SMG1: variants seen among roughly 807,000 people sequenced by gnomAD.
SMG1 encodes serine/threonine-protein kinase SMG1.
Under a neutral mutation model 419.9 loss-of-function variants are expected in SMG1, and 22 were observed. That is an observed-to-expected ratio of 0.05 (90% CI 0.04 to 0.07). The LOEUF is 0.07. Among genes scored for constraint, SMG1 ranks in the 10% least tolerant of loss-of-function variants. SMG1 has a pLI of 1.00. For synonymous variants in SMG1, 1,538 were observed against 1,553.5 expected (o/e 0.99, Z 0.23); for missense variants, 3,185 against 4,342.0 (o/e 0.73, Z 7.49).
chr16:18,919,655 T>TAC (rs1253293502), intron 1 of SMG1, among the ~76,000 whole-genome samples: 815 of 79,954 alleles, frequency 0.01, 10 homozygotes, highest in African/African-American at 0.031. Context: ...TGTGTGTATA[T>TAC]ATACACACAC....
intron 1 of SMG1, among the ~76,000 whole-genome samples, chr16:18,906,040 A>G (rs906493985): frequency 6.6e-6 from 1 of 152,096 alleles, no homozygotes; most frequent in African/African-American, 2.4e-5. Flanking sequence ...GATAAACTCA[A>G]TGATCCATCA....
chr16:18,837,542 CA>C, intron 45 of SMG1, 99 bp from the exon 46 acceptor site: 1 of 1,052,434 alleles, frequency 9.5e-7, no homozygotes, highest in South Asian at 1.6e-5. Flanking sequence ...TAAATCTCTA[CA>C]AAACCCGAAA....
At chr16:18,872,814 C>A (rs961579234) in intron 13 of SMG1, among the ~76,000 whole-genome samples, 190 bp from the exon 14 acceptor site, 1 of 152,104 alleles carries the variant, frequency 6.6e-6, no homozygotes. Context: ...GTGCAATATA[C>A]CATCTCTATG....
At chr16:18,837,221 C>T (rs755861904) in intron 46 of SMG1, 32 bp downstream of exon 46, 12 of 1,520,564 alleles carry the variant, frequency 7.9e-6, no homozygotes, top group African/African-American at 1.4e-5. Context: ...ATTAATGGCA[C>T]ATATTTAGAA....
Position 18,841,250 on chromosome 16 carries a change from A to C in SMG1, c.6696+315T>G, listed in dbSNP as rs2641828. Among the ~76,000 whole-genome samples, 959 of 152,084 alleles carry C rather than the reference A, an allele frequency of 6.3e-3. 16 individuals carry two copies. The highest frequency in any genetic ancestry group is 0.022 in the African/African-American group (905 of 41,470). On this transcript the variant is annotated intron_variant, in intron 41 of 62. Transcript: ENST00000446231. ...TCCCATCTCTACTAAAAATACAAAAATTACCCAGGTGTGGTTGTGCGCCCC... is the reference window on the plus strand; with the variant it reads ...TCCCATCTCTACTAAAAATACAAAACTTACCCAGGTGTGGTTGTGCGCCCC...
chr16:18,895,933 T>C (rs2037103745), intron 3 of SMG1, 119 bp downstream of exon 3: 4 of 1,073,050 alleles, frequency 3.7e-6, no homozygotes, highest in Admixed American at 3.9e-5. Context: ...AATTTTTACC[T>C]GCACAGTAGG....
At chr16:18,835,513 C>A (rs1466005151) in intron 48 of SMG1, among the ~76,000 whole-genome samples, 1 of 152,160 alleles carries the variant, frequency 6.6e-6, no homozygotes, top group African/African-American at 2.4e-5. Flanking sequence ...TGGTGACACA[C>A]GCCCGTGGTC....
intron 41 of SMG1, among the ~76,000 whole-genome samples, chr16:18,840,277 T>C (rs369638663): frequency 6.6e-6 from 1 of 152,268 alleles, no homozygotes; most frequent in East Asian, 1.9e-4. Flanking sequence ...GTTCATAATT[T>C]ATGCACATAC....
chr16:18,847,399 C>T (rs1567359400), intron 38 of SMG1, 54 bp downstream of exon 38: 5 of 1,593,384 alleles, frequency 3.1e-6, no homozygotes, highest in Non-Finnish European at 2.6e-6. Flanking sequence ...GTTATTTATA[C>T]TTTGAAACAA....
In SMG1 at chr16:18,879,552, C is replaced by G. The variant is rs564344970; in HGVS notation, c.1461G>C (p.Glu487Asp). Residue 487 changes from glutamate to aspartate, a missense_variant, in exon 11 of 63, where the codon GAG (glutamate) becomes GAC (aspartate). Coordinates refer to ENST00000446231, the MANE Select transcript of SMG1 (RefSeq NM_015092.5). ...AATCGGTACCACAAGTCTGGCAATT[C>G]TCCAGTTGGTCTAATCCATATGTAA... ...MVITYGLDQL[E>D]NCQTCGTDYI... 8.0e-7 allele frequency: 1 copy of G among 1,255,156 alleles called. No individual in the cohort carries two copies. Among genetic ancestry groups the G allele is most frequent in the Non-Finnish European group, 1.1e-6 (1 of 890,072 alleles). 77.8% of individuals were successfully genotyped at this position (1,255,156 alleles called of 1,614,324 possible).
intron 1 of SMG1, among the ~76,000 whole-genome samples, chr16:18,911,869 A>G (rs8056694): frequency 0.18 from 27,995 of 151,814 alleles, 2,697 homozygotes; most frequent in Middle Eastern, 0.26. Flanking sequence ...ATCACCTGAG[A>G]TCAGGAGTTT....
At chr16:18,906,611 C>T (rs1235643807) in intron 1 of SMG1, among the ~76,000 whole-genome samples, 3 of 152,170 alleles carry the variant, frequency 2.0e-5, no homozygotes, top group Non-Finnish European at 4.4e-5. Context: ...AAATCCCCCC[C>T]ATAAACATGC....
chr16:18,880,721 A>AAGGG lies in SMG1; in HGVS notation c.1294-1003_1294-1002insCCCT, dbSNP rs760136125. On this transcript the variant is annotated intron_variant, in intron 10 of 62. Transcript: ENST00000446231. ...CAGAGACCATGTCTCCAAAAAAAAA[A>AAGGG]GGGGGGGGGCGCGGAGGGGGAAGCA... is the stretch of plus-strand genomic sequence containing the variant. Among the ~76,000 whole-genome samples the AAGGG allele has an allele frequency of 6.3e-4, 40 of 63,938 alleles. 5 individuals carry two copies. The highest frequency in any genetic ancestry group is 2.1e-3 in the African/African-American group (33 of 15,836). The allele number at this position is 63,938 out of a possible 152,430, so 41.9% of individuals were successfully genotyped here.
At position 18,864,021 on chromosome 16, in the gene SMG1, G is replaced by T; in HGVS notation, c.3474C>A (p.Ser1158Arg). ...TLANAGRNSA[S>R]PKHSLNGESR... ...GCTCACCATTCAGAGAATGTTTCGG[G>T]CTGGCACTGTTACGCCCAGCATTGG... Residue 1158 changes from serine to arginine, a missense_variant, in exon 24 of 63, where the codon AGC becomes AGA. Ser to Arg is a moderately radical substitution (Grantham distance 110, BLOSUM62 -1). Coordinates refer to ENST00000446231, the MANE Select transcript of SMG1 (RefSeq NM_015092.5). 1 of 1,549,914 alleles carries T rather than the reference G, an allele frequency of 6.5e-7. No homozygotes were observed. The highest frequency in any genetic ancestry group is 8.7e-7 in the Non-Finnish European group (1 of 1,146,980).
chr16:18,912,081 CAA>C (rs10593620), intron 1 of SMG1, among the ~76,000 whole-genome samples: 21,784 of 104,328 alleles, frequency 0.21, 1,410 homozygotes, highest in Admixed American at 0.23. Flanking sequence ...GATGCCATCT[CAA>C]AAAAAAAAAA....
chr16:18,849,145 A>G (rs2034451596), intron 36 of SMG1, 72 bp downstream of exon 36: 5 of 1,051,082 alleles, frequency 4.8e-6, no homozygotes, highest in East Asian at 2.8e-5. Flanking sequence ...TAAAGCTTAA[A>G]AACTTTGACC....
chr16:18,838,736 T>C, intron 42 of SMG1, 47 bp from the exon 43 acceptor site: 1 of 1,295,318 alleles, frequency 7.7e-7, no homozygotes, highest in South Asian at 1.4e-5. Flanking sequence ...CATTAAGAAA[T>C]TTCCCTCCAA....
At chr16:18,894,679 T>TAAAAAAAAAAAAAAAA in intron 3 of SMG1, among the ~76,000 whole-genome samples, 2 of 121,244 alleles carry the variant, frequency 1.6e-5, no homozygotes, top group Non-Finnish European at 3.4e-5. Flanking sequence ...CACACAGTAT[T>TAAAAAAAAAAAAAAAA]AAAAAAAAAA....
intron 13 of SMG1, among the ~76,000 whole-genome samples, chr16:18,872,888 T>C (rs375422283): frequency 2.6e-5 from 4 of 152,118 alleles, no homozygotes; most frequent in Admixed American, 2.0e-4. Context: ...GTGTTGTGGC[T>C]CACACCTGTA....
Sources: allele counts gnomAD v4.1 joint callset (sites outside exome capture counted in the v4.1 genomes callset), GRCh38; gene constraint gnomAD v4.1.1; transcripts MANE v1.5; gene names NCBI Gene and HGNC (gene_info 2026-07-23, HGNC 2026-07-21).